The following CALN1 variants were observed in gnomAD, a reference collection of about 807,000 sequenced individuals.
CALN1 encodes the protein calneuron 1, also known as calcium-binding protein 8.
In CALN1, 17 loss-of-function variants were observed where a neutral mutation model predicts 30.6. The ratio of observed to expected loss-of-function variants is 0.56; its 90% CI spans 0.38 to 0.83. CALN1 has a LOEUF of 0.83. CALN1 is among the 40% of genes least tolerant of loss of function. The pLI is 0.00. For synonymous variants in CALN1, 156 were observed against 131.4 expected (o/e 1.19, Z -1.28); for missense variants, 291 against 354.9 (o/e 0.82, Z 1.45).
chr7:72,287,435 A>ATTTTTTTTT (rs71069052), intron 2 of CALN1, among the ~76,000 whole-genome samples: 11 of 68,086 alleles, frequency 1.6e-4, no homozygotes, highest in African/African-American at 2.4e-4. Context: ...CACCAAATTA[A>ATTTTTTTTT]TTTTTTTTTT....
intron 5 of CALN1, among the ~76,000 whole-genome samples, chr7:71,888,065 G>C (rs1028616998): frequency 1.3e-5 from 2 of 152,042 alleles, no homozygotes; most frequent in African/African-American, 4.8e-5. Flanking sequence ...GAGCTGCGAG[G>C]ATCATAGGGA....
intron 1 of CALN1, among the ~76,000 whole-genome samples, chr7:72,411,533 G>A (rs1807146943): frequency 1.3e-5 from 2 of 152,200 alleles, no homozygotes; most frequent in Non-Finnish European, 1.5e-5. Context: ...CGTATCAGTT[G>A]TGTCACTGAA....
the CALN1 span, among the ~76,000 whole-genome samples, chr7:72,471,652 T>C: frequency 6.6e-6 from 1 of 152,192 alleles, no homozygotes; most frequent in Non-Finnish European, 1.5e-5. Flanking sequence ...GCAAGGGTGA[T>C]GGGGAGAGCT....
the CALN1 span, among the ~76,000 whole-genome samples, chr7:72,499,042 T>A: frequency 8.5e-5 from 13 of 152,208 alleles, no homozygotes; most frequent in Admixed American, 8.5e-4. Context: ...AAGGAATAAT[T>A]TTTTTTGAGA....
At chr7:72,191,552 C>CAAAAAA (rs55780039) in intron 3 of CALN1, among the ~76,000 whole-genome samples, 3 of 72,480 alleles carry the variant, frequency 4.1e-5, no homozygotes, top group Non-Finnish European at 7.7e-5. Context: ...GACTCCGTCT[C>CAAAAAA]AAAAAAAAAA....
chr7:72,153,704 AAAAG>A (rs1331572816), intron 3 of CALN1, among the ~76,000 whole-genome samples: 3 of 152,014 alleles, frequency 2.0e-5, no homozygotes, highest in African/African-American at 7.2e-5. Flanking sequence ...AGAAAAAAGA[AAAAG>A]AAAGTTGTTA....
intron 5 of CALN1, chr7:71,913,804 A>C (rs1794551997): frequency 6.6e-6 from 1 of 152,270 alleles, no homozygotes. Flanking sequence ...GACCCTGCTT[A>C]ACTTCTGAGA....
intron 3 of CALN1, among the ~76,000 whole-genome samples, chr7:72,136,762 G>T (rs753277237): frequency 6.6e-6 from 1 of 152,098 alleles, no homozygotes; most frequent in Non-Finnish European, 1.5e-5. Context: ...ATTACTAATT[G>T]GCCTAATTTC....
At chr7:72,253,174 G>T (rs1265272707) in intron 3 of CALN1, among the ~76,000 whole-genome samples, 1 of 152,160 alleles carries the variant, frequency 6.6e-6, no homozygotes, top group Non-Finnish European at 1.5e-5. Context: ...TTGGTTTTCA[G>T]CATCTGGGAA....
chr7:71,937,279 C>T (rs1175697708), intron 5 of CALN1, among the ~76,000 whole-genome samples: 2 of 151,832 alleles, frequency 1.3e-5, no homozygotes. Context: ...CATTGCACTC[C>T]AGCCTGGGCA....
chr7:72,470,489 C>T, the CALN1 span, among the ~76,000 whole-genome samples: 1 of 152,152 alleles, frequency 6.6e-6, no homozygotes, highest in Non-Finnish European at 1.5e-5. Flanking sequence ...ATCCTGACTA[C>T]TCCAAGAGCA....
chr7:72,044,413 A>C (rs1237518284), intron 4 of CALN1, among the ~76,000 whole-genome samples: 1 of 151,928 alleles, frequency 6.6e-6, no homozygotes, highest in Non-Finnish European at 1.5e-5. Flanking sequence ...AGGCAGATAC[A>C]AAGGGGGACT....
the CALN1 span, among the ~76,000 whole-genome samples, chr7:72,478,933 G>A: frequency 7.0e-6 from 1 of 143,594 alleles, no homozygotes; most frequent in South Asian, 2.1e-4. Context: ...CAAGGCTGGA[G>A]TGCATTGGCG....
intron 2 of CALN1, among the ~76,000 whole-genome samples, chr7:72,370,112 T>A (rs1804136694): frequency 6.6e-6 from 1 of 152,250 alleles, no homozygotes; most frequent in Non-Finnish European, 1.5e-5. Flanking sequence ...CCAATGACTC[T>A]ACATTGTCAC....
At chr7:72,259,011 G>A (rs966492138) in intron 3 of CALN1, among the ~76,000 whole-genome samples, 1 of 151,716 alleles carries the variant, frequency 6.6e-6, no homozygotes, top group Non-Finnish European at 1.5e-5. Context: ...AACCTGGGAG[G>A]CGGAGGTTGC....
intron 5 of CALN1, among the ~76,000 whole-genome samples, chr7:71,812,929 C>CATTATT (rs71092917): frequency 0.015 from 2,055 of 136,462 alleles, 17 homozygotes; most frequent in South Asian, 0.022. Flanking sequence ...TCATCATCAT[C>CATTATT]ATTATTATTA....
At chr7:71,824,985 A>G (rs1266877899) in intron 5 of CALN1, among the ~76,000 whole-genome samples, 1 of 152,164 alleles carries the variant, frequency 6.6e-6, no homozygotes, top group Non-Finnish European at 1.5e-5. Context: ...GTCTGCCTTG[A>G]GCGCCAGCGT....
intron 5 of CALN1, among the ~76,000 whole-genome samples, chr7:71,832,297 G>C (rs1789335342): frequency 6.6e-6 from 1 of 152,204 alleles, no homozygotes; most frequent in Non-Finnish European, 1.5e-5. Context: ...CCCTAGGCAA[G>C]TAATTCTTAT....
At chr7:71,821,004 T>A (rs1269664445) in intron 5 of CALN1, among the ~76,000 whole-genome samples, 1 of 152,170 alleles carries the variant, frequency 6.6e-6, no homozygotes, top group Non-Finnish European at 1.5e-5. Context: ...CAGCTGAATG[T>A]ATGGGCTTAG....
Sources: gnomAD v4.1 joint callset for allele counts (sites outside exome capture counted in the v4.1 genomes callset) on GRCh38, gnomAD v4.1.1 for gene constraint, MANE v1.5 for transcripts, NCBI Gene and HGNC (gene_info 2026-07-23, HGNC 2026-07-21) for gene names.